The following NBAS variants were observed in gnomAD, a reference collection of about 807,000 sequenced individuals.
NBAS encodes NAG/BC035112 fusion.
NBAS carries 219 observed loss-of-function variants against 302.5 expected under a neutral mutation model. The observed-to-expected ratio is 0.72, with a 90% CI of 0.65 to 0.81. The LOEUF (loss-of-function observed/expected upper bound fraction) is 0.81. Ranked by LOEUF, NBAS falls within the 30% of genes least tolerant of loss-of-function variation. NBAS has a pLI of 0.00. For missense variants in NBAS, 2,932 were observed against 2,841.6 expected (o/e 1.03, Z -0.72); for synonymous variants, 1,118 against 1,021.6 (o/e 1.09, Z -1.80).
chr2:15,340,334 G>A (rs902623467), intron 35 of NBAS, among the ~76,000 whole-genome samples: 4 of 152,116 alleles, frequency 2.6e-5, no homozygotes, highest in African/African-American at 9.7e-5. Context: ...CCAAAGAGGA[G>A]GAGAAGAATC....
chr2:15,127,105 G>C, the NBAS span, among the ~76,000 whole-genome samples: 3 of 152,166 alleles, frequency 2.0e-5, no homozygotes, highest in African/African-American at 7.2e-5. Flanking sequence ...CATGCTCAGA[G>C]GATCCTGCAC....
the NBAS span, among the ~76,000 whole-genome samples, chr2:15,098,362 G>GA: frequency 2.5e-4 from 1 of 3,952 alleles, no homozygotes; most frequent in Non-Finnish European, 7.8e-4. Context: ...ATGATATATT[G>GA]TATATAATAT....
At chr2:15,137,411 C>T in the NBAS span, among the ~76,000 whole-genome samples, 1 of 152,286 alleles carries the variant, frequency 6.6e-6, no homozygotes, top group East Asian at 1.9e-4. Context: ...CATTCACCTT[C>T]CCCAGGTCAA....
intron 48 of NBAS, among the ~76,000 whole-genome samples, chr2:15,206,902 C>T (rs1176449370): frequency 1.3e-5 from 2 of 152,172 alleles, no homozygotes; most frequent in Non-Finnish European, 2.9e-5. Context: ...TCATGGAGAA[C>T]CTCTACTAGG....
intron 36 of NBAS, among the ~76,000 whole-genome samples, chr2:15,329,282 G>T (rs145555758): frequency 6.6e-6 from 1 of 152,010 alleles, no homozygotes; most frequent in African/African-American, 2.4e-5. Flanking sequence ...CTCACTAAAC[G>T]GCATCTTCAT....
chr2:15,229,346 A>G (rs1667277928), intron 47 of NBAS, among the ~76,000 whole-genome samples: 1 of 139,616 alleles, frequency 7.2e-6, no homozygotes, highest in Admixed American at 7.5e-5. Context: ...GTCTCAAAAA[A>G]CAAAAAAAAA....
chr2:15,463,483 C>T (rs1424176821), intron 19 of NBAS, among the ~76,000 whole-genome samples: 1 of 152,116 alleles, frequency 6.6e-6, no homozygotes, highest in Non-Finnish European at 1.5e-5. Context: ...TACTCCTCAC[C>T]CTCACAGAGG....
chr2:15,384,251 C>T (rs1050920889), intron 28 of NBAS, among the ~76,000 whole-genome samples: 7 of 152,138 alleles, frequency 4.6e-5, no homozygotes, highest in Non-Finnish European at 1.0e-4. Context: ...GGGTTTTGTT[C>T]CCAAATTCAC....
In NBAS at chr2:15,408,118, G is replaced by A. The variant is rs115892559; in HGVS notation, c.2938-5817C>T. Among the ~76,000 whole-genome samples, 1,026 of 152,282 alleles carry A rather than the reference G, an allele frequency of 6.7e-3. 10 individuals are homozygous for A. The highest frequency in any genetic ancestry group is 0.022 in the African/African-American group (925 of 41,558). On this transcript the variant is annotated intron_variant, in intron 25 of 51. Transcript: ENST00000281513. ...TCCTTAGTTTAATCAAACCTGCAAAGCCCCTTTTGCCAGGTAAGGTAACAT... is the reference window on the plus strand; with the variant it reads ...TCCTTAGTTTAATCAAACCTGCAAAACCCCTTTTGCCAGGTAAGGTAACAT...
At chr2:15,302,444 G>C (rs1670845452) in intron 40 of NBAS, among the ~76,000 whole-genome samples, 1 of 152,108 alleles carries the variant, frequency 6.6e-6, no homozygotes, top group Non-Finnish European at 1.5e-5. Flanking sequence ...ACTGGCTTCT[G>C]TTCCCACAGG....
At chr2:15,515,899 G>A (rs1662367087) in intron 9 of NBAS, among the ~76,000 whole-genome samples, 1 of 152,192 alleles carries the variant, frequency 6.6e-6, no homozygotes, top group African/African-American at 2.4e-5. Context: ...AGCACAGAGT[G>A]AAGAAGGTAC....
At chr2:14,790,865 T>C in the NBAS span, among the ~76,000 whole-genome samples, 3 of 151,850 alleles carry the variant, frequency 2.0e-5, no homozygotes, top group Non-Finnish European at 4.4e-5. Context: ...TTTTGTTTGG[T>C]TTTTTTGGAG....
At chr2:15,320,058 T>C in intron 38 of NBAS, among the ~76,000 whole-genome samples, 1 of 152,208 alleles carries the variant, frequency 6.6e-6, no homozygotes, top group East Asian at 1.9e-4. Flanking sequence ...CATGATCAAG[T>C]AGGCTTCATC....
At chr2:15,291,632 T>G (rs572580072) in intron 41 of NBAS, among the ~76,000 whole-genome samples, 1 of 152,300 alleles carries the variant, frequency 6.6e-6, no homozygotes, top group South Asian at 2.1e-4. Context: ...ACAACAGGCC[T>G]GCTCTTCCCT....
the NBAS span, among the ~76,000 whole-genome samples, chr2:14,917,926 C>A: frequency 7.9e-5 from 12 of 152,244 alleles, no homozygotes; most frequent in Admixed American, 2.6e-4. Context: ...AATTTGTGAC[C>A]TTGTCAGATA....
At chr2:14,806,619 A>G in the NBAS span, among the ~76,000 whole-genome samples, 4 of 152,314 alleles carry the variant, frequency 2.6e-5, no homozygotes, top group South Asian at 4.1e-4. Flanking sequence ...TATTTTCTAT[A>G]TAAAACAAAT....
At chr2:15,027,614 C>A in the NBAS span, among the ~76,000 whole-genome samples, 1 of 152,054 alleles carries the variant, frequency 6.6e-6, no homozygotes, top group Non-Finnish European at 1.5e-5. Context: ...ATGTTTTCAG[C>A]AGTTATTTTA....
chr2:15,516,221 A>G (rs775277757), intron 9 of NBAS, among the ~76,000 whole-genome samples: 4 of 152,188 alleles, frequency 2.6e-5, no homozygotes, highest in Non-Finnish European at 4.4e-5. Flanking sequence ...AAATCCTGTA[A>G]GAATTTTTCA....
chr2:14,790,222 T>C, the NBAS span, among the ~76,000 whole-genome samples: 1 of 152,218 alleles, frequency 6.6e-6, no homozygotes, highest in African/African-American at 2.4e-5. Flanking sequence ...TTCTTTGTGA[T>C]CTTAGACAAA....
Sources: allele counts gnomAD v4.1 joint callset (sites outside exome capture counted in the v4.1 genomes callset), GRCh38; gene constraint gnomAD v4.1.1; transcripts MANE v1.5; gene names NCBI Gene and HGNC (gene_info 2026-07-23, HGNC 2026-07-21).